ATF1: variants seen among roughly 807,000 people sequenced by gnomAD.
The protein encoded by ATF1 is activating transcription factor 1.
ATF1 carries 16 observed loss-of-function variants against 34.7 expected under a neutral mutation model. That is an observed-to-expected ratio of 0.46 (90% CI 0.31 to 0.70). The LOEUF (loss-of-function observed/expected upper bound fraction) is 0.70, where lower values mean the gene tolerates loss of function less well. ATF1 is among the 30% of genes least tolerant of loss of function. ATF1 has a pLI of 0.05. For synonymous variants in ATF1, 105 were observed against 113.1 expected (o/e 0.93, Z 0.46); for missense variants, 255 against 321.6 (o/e 0.79, Z 1.58).
intron 2 of ATF1, among the ~76,000 whole-genome samples, chr12:50,791,175 GACCCT>G (rs1941293571): frequency 1.3e-5 from 2 of 152,136 alleles, no homozygotes; most frequent in Non-Finnish European, 2.9e-5. Context: ...AGAATTTCAT[GACCCT>G]AGGCATTTTG....
intron 2 of ATF1, among the ~76,000 whole-genome samples, chr12:50,794,156 T>G (rs969656852): frequency 6.6e-6 from 1 of 151,800 alleles, no homozygotes; most frequent in African/African-American, 2.4e-5. Context: ...TTCACCGTGT[T>G]AGCCAGGATG....
chr12:50,766,611 T>A (rs989948342), intron 1 of ATF1, among the ~76,000 whole-genome samples: 2 of 151,682 alleles, frequency 1.3e-5, no homozygotes, highest in African/African-American at 2.4e-5. Context: ...ACCCACTAAC[T>A]CGTCATCTAG....
intron 2 of ATF1, among the ~76,000 whole-genome samples, chr12:50,786,753 C>T (rs1433185765): frequency 6.6e-6 from 1 of 152,160 alleles, no homozygotes; most frequent in South Asian, 2.1e-4. Context: ...AAAGCCCCAA[C>T]CCCTGTAACC....
chr12:50,796,611 G>T (rs976180262), intron 3 of ATF1, among the ~76,000 whole-genome samples: 2 of 151,710 alleles, frequency 1.3e-5, no homozygotes, highest in Admixed American at 1.3e-4. Flanking sequence ...TGAGGCAGGA[G>T]AATCACTTGA....
chr12:50,816,749 C>T (rs557199961), intron 6 of ATF1, among the ~76,000 whole-genome samples: 7 of 151,932 alleles, frequency 4.6e-5, no homozygotes, highest in Admixed American at 2.6e-4. Context: ...AAAACATTAG[C>T]TAGATGTGGT....
chr12:50,795,521 A>G (rs1048179811), intron 2 of ATF1, among the ~76,000 whole-genome samples: 11 of 152,230 alleles, frequency 7.2e-5, no homozygotes, highest in Non-Finnish European at 1.2e-4. Flanking sequence ...AGTTGAATAT[A>G]TAACAGGTTT....
intron 2 of ATF1, among the ~76,000 whole-genome samples, chr12:50,793,751 A>G (rs1329972999): frequency 6.6e-6 from 1 of 151,852 alleles, no homozygotes; most frequent in African/African-American, 2.4e-5. Context: ...CTGTATAATG[A>G]TATAGATTTA....
chr12:50,806,887 A>C (rs1484653760), intron 3 of ATF1, among the ~76,000 whole-genome samples: 1 of 152,206 alleles, frequency 6.6e-6, no homozygotes, highest in Non-Finnish European at 1.5e-5. Context: ...ACAGAGTCCT[A>C]TAGGACTGAC....
chr12:50,811,571 G>A lies in ATF1; in HGVS notation c.328+1982G>A, dbSNP rs1007021344. On this transcript the variant is annotated intron_variant, in intron 4 of 6. Transcript: ENST00000262053. Reference sequence around the variant, plus strand: ...GGCTGAGGCTGGAGGATTGCTTGAAGCCACATTCAGGACCAGCCTTGGCAA... The same window carrying A: ...GGCTGAGGCTGGAGGATTGCTTGAAACCACATTCAGGACCAGCCTTGGCAA... Among the ~76,000 whole-genome samples the A allele has an allele frequency of 4.1e-5, 6 of 144,684 alleles. No homozygotes were observed. In the East Asian group the frequency reaches 6.4e-4, roughly 15 times the overall value. The allele number at this position is 144,684 out of a possible 152,430, so 94.9% of individuals were successfully genotyped here. A position where few individuals can be genotyped will look rare whatever the true frequency, so the allele number is the denominator to read the frequency against.
intron 3 of ATF1, among the ~76,000 whole-genome samples, chr12:50,798,149 TAAAAAAA>T (rs1246069404): frequency 6.8e-6 from 1 of 147,074 alleles, no homozygotes; most frequent in East Asian, 2.0e-4. Context: ...ACTCCATCTC[TAAAAAAA>T]AAGAAAAAAG....
intron 6 of ATF1, among the ~76,000 whole-genome samples, chr12:50,815,794 T>C (rs1430736567): frequency 6.6e-6 from 1 of 152,146 alleles, no homozygotes; most frequent in African/African-American, 2.4e-5. Flanking sequence ...GAAATCAATA[T>C]ATCAGAGGGA....
intron 6 of ATF1, 56 bp from the exon 7 acceptor site, chr12:50,819,579 C>T: frequency 1.3e-6 from 2 of 1,573,396 alleles, no homozygotes; most frequent in East Asian, 2.2e-5. Context: ...AGAACATTTA[C>T]CATTTAAAGA....
At chr12:50,788,370 G>A (rs1054412881) in intron 2 of ATF1, 3 of 360,282 alleles carry the variant, frequency 8.3e-6, no homozygotes, top group African/African-American at 6.5e-5. Context: ...TTTTTTTGTA[G>A]AGATGGGGTT....
rs569930343 is a variant in ATF1 at position 50,808,809 on chromosome 12, G to A, written c.195-647G>A. Among the ~76,000 whole-genome samples, 14 of 150,798 alleles carry A rather than the reference G, an allele frequency of 9.3e-5. 1 individual carries two copies. In the South Asian group the frequency reaches 2.5e-3, roughly 27 times the overall value. On this transcript the variant is annotated intron_variant, in intron 3 of 6. Transcript: ENST00000262053. Reference sequence around the variant, plus strand: ...GGCTGGAGTGCAGTGGCGCGACCTCGACTCACTGCAACCTCCGCCTCCGGA... The same window carrying A: ...GGCTGGAGTGCAGTGGCGCGACCTCAACTCACTGCAACCTCCGCCTCCGGA...
At chr12:50,788,183 C>T (rs1941224844) in intron 2 of ATF1, 1 of 448,644 alleles carries the variant, frequency 2.2e-6, no homozygotes, top group African/African-American at 2.0e-5. Context: ...ATTTTATAGC[C>T]AATCTTTTTT....
chr12:50,796,099 C>T (rs1402692891), intron 3 of ATF1, 90 bp downstream of exon 3: 8 of 1,070,722 alleles, frequency 7.5e-6, no homozygotes, highest in Non-Finnish European at 1.3e-6. Flanking sequence ...AAGAAGTTAG[C>T]ACGCGTCAGT....
chr12:50,805,561 CA>C (rs370613978), intron 3 of ATF1, among the ~76,000 whole-genome samples: 468 of 53,848 alleles, frequency 8.7e-3, no homozygotes, highest in Middle Eastern at 0.018. Flanking sequence ...CTGTCTGTCT[CA>C]AAAAAAAAAA....
At chr12:50,778,818 C>CA (rs1940990980) in intron 1 of ATF1, among the ~76,000 whole-genome samples, 1 of 152,140 alleles carries the variant, frequency 6.6e-6, no homozygotes, top group Non-Finnish European at 1.5e-5. Flanking sequence ...TCAGCTCAGG[C>CA]AGTCCGCCCA....
intron 6 of ATF1, among the ~76,000 whole-genome samples, chr12:50,819,258 G>C (rs747420357): frequency 6.6e-6 from 1 of 152,212 alleles, no homozygotes; most frequent in African/African-American, 2.4e-5. Flanking sequence ...ATGAACCTCA[G>C]ATGGGCTGAG....
Sources: allele counts gnomAD v4.1 joint callset (sites outside exome capture counted in the v4.1 genomes callset), GRCh38; gene constraint gnomAD v4.1.1; transcripts MANE v1.5; gene names NCBI Gene and HGNC (gene_info 2026-07-23, HGNC 2026-07-21).